The following MDN1 variants were observed in gnomAD, a reference collection of about 807,000 sequenced individuals.
MDN1 encodes the protein midasin AAA ATPase 1, also known as midasin.
MDN1 carries 266 observed loss-of-function variants against 669.2 expected under a neutral mutation model. That is an observed-to-expected ratio of 0.40 (90% CI 0.36 to 0.44). The LOEUF is 0.44. MDN1 is among the 20% of genes least tolerant of loss of function. The pLI is 1.00. For synonymous variants in MDN1, 2,385 were observed against 2,457.1 expected, an observed-to-expected ratio of 0.97 and a Z score of 0.87; for missense variants, 5,940 against 6,754.0, an observed-to-expected ratio of 0.88 and a Z score of 4.22.
intron 2 of MDN1, among the ~76,000 whole-genome samples, chr6:89,796,657 C>T (rs980083903): frequency 2.0e-5 from 3 of 152,122 alleles, no homozygotes; most frequent in South Asian, 2.1e-4. Context: ...TGTGTGGGTA[C>T]AGTGTGTATA....
In MDN1 at chr6:89,688,100, T is replaced by G; in HGVS notation, c.11333A>C (p.Glu3778Ala). ...SPISKFLNGL[E>A]ILLAKAQDWE... ...CACCTGTGCCTTTGCCAGAAGGATC[T>G]CTAAGCCATTCAGGAACTTTGAGAT... is the stretch of plus-strand genomic sequence containing the variant. Residue 3778 changes from glutamate (E) to alanine (A), a missense_variant, in exon 67 of 102, where the codon GAG (glutamate) becomes GCG (alanine). Physicochemically the swap from Glu to Ala is moderately radical, Grantham distance 107. Coordinates refer to ENST00000369393, the MANE Select transcript of MDN1 (RefSeq NM_014611.3). 1 of 1,614,114 alleles carries G rather than the reference T, an allele frequency of 6.2e-7. No individual in the cohort carries two copies. The highest frequency in any genetic ancestry group is 1.1e-5 in the South Asian group (1 of 91,080).
At chr6:89,700,368 T>TTGCAGTCAC in intron 56 of MDN1, 74 bp from the exon 57 acceptor site, 1 of 1,171,398 alleles carries the variant, frequency 8.5e-7, no homozygotes, top group Non-Finnish European at 1.3e-6. Flanking sequence ...AACAACCTGC[T>TTGCAGTCAC]ATGTGACTGC....
intron 50 of MDN1, among the ~76,000 whole-genome samples, chr6:89,710,128 C>T (rs541946711): frequency 2.0e-5 from 3 of 152,266 alleles, no homozygotes; most frequent in South Asian, 4.1e-4. Flanking sequence ...TCAAATATCT[C>T]GTGGTTTGAA....
rs754451920 is a variant in MDN1, at chr6:89,678,732, G to A, written c.12279C>T (p.Ser4093=). 6.2e-7 allele frequency: 1 copy of A among 1,611,972 alleles called. No homozygotes were observed. Among genetic ancestry groups the A allele is most frequent in the Non-Finnish European group, 8.5e-7 (1 of 1,179,214 alleles). The change falls in exon 75 of 102, where the codon TCC becomes TCT. Residue 4093 remains serine (S), a synonymous_variant. Transcript: ENST00000369393. ...GLDQFTGEVI[S]SVSELQSLKV... is the part of the protein sequence containing the mutation. ...TTAAGCTCTGCAGCTCACTCACAGA[G>A]GAAATCACTTCACCTGTAAGGGAAA... is the stretch of plus-strand genomic sequence containing the variant.
chr6:89,714,302 C>A (rs1453141275), intron 46 of MDN1, among the ~76,000 whole-genome samples: 1 of 152,134 alleles, frequency 6.6e-6, no homozygotes, highest in Non-Finnish European at 1.5e-5. Flanking sequence ...CGAGGGTTAG[C>A]CTCTGCTTAC....
chr6:89,708,953 TA>T (rs1813699840), intron 50 of MDN1, among the ~76,000 whole-genome samples: 1 of 144,078 alleles, frequency 6.9e-6, no homozygotes. Context: ...ATCCATGGGC[TA>T]AATTACACAG....
intron 11 of MDN1, among the ~76,000 whole-genome samples, chr6:89,777,697 T>G (rs1818424369): frequency 6.6e-6 from 1 of 152,118 alleles, no homozygotes; most frequent in Non-Finnish European, 1.5e-5. Context: ...AAAATTGGCC[T>G]TTTGAGGTGA....
intron 17 of MDN1, among the ~76,000 whole-genome samples, chr6:89,760,071 CA>C (rs201177302): frequency 1.8e-4 from 27 of 146,828 alleles, no homozygotes; most frequent in African/African-American, 5.7e-4. Context: ...GACTCTGTCT[CA>C]AAAAAAAATA....
At chr6:89,719,260 T>A (rs1401127183) in intron 40 of MDN1, 35 bp from the exon 41 acceptor site, 4 of 1,542,964 alleles carry the variant, frequency 2.6e-6, no homozygotes. Flanking sequence ...AAAACACAAA[T>A]CACTCCACCT....
intron 1 of MDN1, among the ~76,000 whole-genome samples, chr6:89,810,320 C>T: frequency 6.6e-6 from 1 of 151,986 alleles, no homozygotes. Context: ...CCTGTAGTCC[C>T]AGCTACCAGG....
chr6:89,653,252 TTC>T, intron 93 of MDN1, 97 bp from the exon 94 acceptor site: 1 of 1,167,960 alleles, frequency 8.6e-7, no homozygotes, highest in Middle Eastern at 2.6e-4. Flanking sequence ...TTAATCAAAC[TTC>T]ATTCATTCAC....
intron 40 of MDN1, among the ~76,000 whole-genome samples, chr6:89,722,076 C>T (rs899951633): frequency 1.3e-5 from 2 of 152,186 alleles, no homozygotes; most frequent in Non-Finnish European, 2.9e-5. Flanking sequence ...TGTAAGATGC[C>T]ATGACAGCAC....
In MDN1 at chr6:89,661,490, A is replaced by G. The variant is rs1809762196; in HGVS notation, c.14654T>C (p.Leu4885Ser). 6.2e-7 allele frequency: 1 copy of G among 1,614,188 alleles called. No homozygotes were observed. ...EPEALDLPDD[L>S]NLDSEDKNGG... is the part of the protein sequence containing the mutation. ...ATTCTTGTCTTCACTGTCGAGGTTC[A>G]AGTCATCTGGAAGGTCCAAAGCCTC... The change falls in exon 88 of 102, where the codon TTG (leucine) becomes TCG (serine). Residue 4885 changes from leucine (L) to serine (S), a missense_variant. Coordinates refer to ENST00000369393, the MANE Select transcript of MDN1 (RefSeq NM_014611.3).
At position 89,714,699 on chromosome 6, in the gene MDN1, T is replaced by C; in HGVS notation, c.6913A>G (p.Asn2305Asp). 2.5e-6 allele frequency: 4 copies of C among 1,614,118 alleles called. No individual in the cohort carries two copies. Among genetic ancestry groups the C allele is most frequent in the Non-Finnish European group, 3.4e-6 (4 of 1,179,994 alleles). The change falls in exon 46 of 102, where the codon AAT (asparagine) becomes GAT (aspartate). Residue 2305 changes from asparagine (N) to aspartate (D), a missense_variant. Transcript: ENST00000369393. ...GAAATGTAGATTTCAAGTCCACGAT[T>C]CCTCATAGCTCGGGATATATCTCCA... ...VHGDISRAMRNRGLEIYISGE... is the reference protein window; with the variant it reads ...VHGDISRAMRDRGLEIYISGE...
chr6:89,680,963 C>T (rs1235940974), intron 73 of MDN1, among the ~76,000 whole-genome samples: 1 of 152,126 alleles, frequency 6.6e-6, no homozygotes, highest in Non-Finnish European at 1.5e-5. Flanking sequence ...CTGAAGGACC[C>T]CCATGCCCCT....
Position 89,718,986 on chromosome 6 carries a change from C to A in MDN1, c.6102G>T (p.Pro2034=), listed in dbSNP as rs377455110. The change falls in exon 42 of 102, where the codon CCG becomes CCT. Residue 2034 remains proline, a synonymous_variant. Transcript: ENST00000369393. ...GCAGGAGCAACAGGGGATGGCGGGA[C>A]GGGTGAGGAACACAGCTCCCACGGG... ...VLSRGSCVPH[P]SRHPLLLLHQ... 25 of 1,613,954 alleles carry A rather than the reference C, an allele frequency of 1.5e-5. No individual in the cohort carries two copies. Among genetic ancestry groups the A allele is most frequent in the Non-Finnish European group, 1.9e-5 (23 of 1,180,018 alleles).
intron 73 of MDN1, among the ~76,000 whole-genome samples, chr6:89,682,717 A>C (rs28495587): frequency 0.54 from 67,912 of 126,422 alleles, 20,342 homozygotes; most frequent in East Asian, 0.9. Context: ...AAAAAAAAAA[A>C]AAAAAAAAAA....
In MDN1 at chr6:89,732,781, C is replaced by A. The variant is rs1176028476; in HGVS notation, c.4724-6G>T. On this transcript the variant is annotated splice_polypyrimidine_tract_variant and splice_region_variant and intron_variant, in intron 33 of 101. Coordinates refer to ENST00000369393, the MANE Select transcript of MDN1 (RefSeq NM_014611.3). ...CACTTCAGGTATGTCAGACCCTAAA[C>A]ACAAGAAACAAAAAAAGCATTTGCT... 2.5e-6 allele frequency: 4 copies of A among 1,611,366 alleles called. No individual in the cohort carries two copies. The highest frequency in any genetic ancestry group is 1.7e-4 in the Middle Eastern group (1 of 6,034).
chr6:89,741,345 A>T (rs1002093294), intron 31 of MDN1, among the ~76,000 whole-genome samples: 1 of 152,120 alleles, frequency 6.6e-6, no homozygotes, highest in African/African-American at 2.4e-5. Context: ...GTAAAAAAAA[A>T]CACAAAAACC....
Sources: allele counts gnomAD v4.1 joint callset (sites outside exome capture counted in the v4.1 genomes callset), GRCh38; gene constraint gnomAD v4.1.1; transcripts MANE v1.5; gene names NCBI Gene and HGNC (gene_info 2026-07-23, HGNC 2026-07-21).